PDE1A: variants seen among roughly 807,000 people sequenced by gnomAD.
PDE1A encodes phosphodiesterase 1A, also known as dual specificity calcium/calmodulin-dependent 3',5'-cyclic nucleotide phosphodiesterase 1A.
A neutral mutation model predicts 61.7 loss-of-function variants in PDE1A; 35 were observed. The ratio of observed to expected loss-of-function variants is 0.57; its 90% confidence interval spans 0.43 to 0.75. PDE1A has a LOEUF of 0.75. PDE1A is among the 30% of genes least tolerant of loss of function. PDE1A has a pLI of 0.00. For synonymous variants in PDE1A, 232 were observed against 213.2 expected (o/e 1.09, Z -0.77); for missense variants, 597 against 630.6 (o/e 0.95, Z 0.57).
intron 2 of PDE1A, among the ~76,000 whole-genome samples, chr2:182,493,342 T>A (rs1688511667): frequency 6.6e-6 from 1 of 151,908 alleles, no homozygotes; most frequent in South Asian, 2.1e-4. Context: ...TGCAGGCTTG[T>A]TACATATGTA....
At chr2:182,337,884 A>G (rs975925581) in intron 1 of PDE1A, among the ~76,000 whole-genome samples, 27 of 152,150 alleles carry the variant, frequency 1.8e-4, no homozygotes, top group Non-Finnish European at 3.1e-4. Flanking sequence ...AAAATATTAG[A>G]CACTAAACCA....
intron 2 of PDE1A, among the ~76,000 whole-genome samples, chr2:182,253,888 A>AG (rs1691584954): frequency 6.6e-6 from 1 of 152,234 alleles, no homozygotes; most frequent in African/African-American, 2.4e-5. Context: ...TATAGTAGAA[A>AG]GAATATAAGT....
the PDE1A span, among the ~76,000 whole-genome samples, chr2:182,608,562 C>T: frequency 1.3e-5 from 2 of 152,186 alleles, no homozygotes; most frequent in South Asian, 2.1e-4. Context: ...AGCCGCGCCG[C>T]ACCTGGCAGT....
exon 4 of PDE1A, chr2:182,234,460 T>G (rs755854827): frequency 3.1e-6 from 5 of 1,608,002 alleles, no homozygotes; most frequent in Non-Finnish European, 4.3e-6. Flanking sequence ...AGCTGCTGGA[T>G]ATGCCAAACC....
chr2:182,445,591 C>T (rs1460464240), intron 2 of PDE1A, among the ~76,000 whole-genome samples: 2 of 151,984 alleles, frequency 1.3e-5, no homozygotes, highest in Non-Finnish European at 2.9e-5. Flanking sequence ...GAAAGCTATA[C>T]AAAAGAGGAA....
At chr2:182,537,670 G>T in the PDE1A span, among the ~76,000 whole-genome samples, 1 of 151,768 alleles carries the variant, frequency 6.6e-6, no homozygotes, top group East Asian at 1.9e-4. Context: ...AAATGAACAA[G>T]AAAAATTAAG....
chr2:182,716,096 T>TGGAGCC, the PDE1A span: 88 of 152,584 alleles, frequency 5.8e-4, 2 homozygotes, highest in South Asian at 3.3e-3. Context: ...AGCTCCGGGT[T>TGGAGCC]GGAGCCGGAG....
At chr2:182,399,973 T>C (rs1388882919) in intron 1 of PDE1A, among the ~76,000 whole-genome samples, 3 of 152,168 alleles carry the variant, frequency 2.0e-5, no homozygotes, top group Non-Finnish European at 4.4e-5. Context: ...ATTTATAATT[T>C]TAATAAATAT....
intron 1 of PDE1A, among the ~76,000 whole-genome samples, chr2:182,355,178 T>C (rs1699106368): frequency 6.6e-6 from 1 of 152,008 alleles, no homozygotes; most frequent in South Asian, 2.1e-4. Context: ...AATGTATATA[T>C]GTAAATATTC....
At chr2:182,321,139 A>G (rs2124828092) in intron 1 of PDE1A, among the ~76,000 whole-genome samples, 1 of 152,334 alleles carries the variant, frequency 6.6e-6, no homozygotes, top group East Asian at 1.9e-4. Flanking sequence ...GATGTTTTGC[A>G]TGTTGCATGA....
chr2:182,543,125 C>A, the PDE1A span, among the ~76,000 whole-genome samples: 1 of 152,028 alleles, frequency 6.6e-6, no homozygotes, highest in Non-Finnish European at 1.5e-5. Flanking sequence ...TCAGAGGAGA[C>A]CACTCAAATC....
chr2:182,482,614 A>G (rs1052704647), intron 2 of PDE1A, among the ~76,000 whole-genome samples: 1 of 152,004 alleles, frequency 6.6e-6, no homozygotes, highest in Admixed American at 6.6e-5. Flanking sequence ...AGAAGCATGT[A>G]TTCACCAGAA....
At chr2:182,712,271 A>C in the PDE1A span, among the ~76,000 whole-genome samples, 4 of 152,246 alleles carry the variant, frequency 2.6e-5, no homozygotes, top group African/African-American at 4.8e-5. Flanking sequence ...AAATTGAAAC[A>C]AGTAGTTGCC....
At chr2:182,653,248 C>T in the PDE1A span, among the ~76,000 whole-genome samples, 2 of 152,110 alleles carry the variant, frequency 1.3e-5, no homozygotes, top group African/African-American at 4.8e-5. Flanking sequence ...CTGAGGTGGA[C>T]CTCAGGATGA....
chr2:182,612,851 T>C, the PDE1A span, among the ~76,000 whole-genome samples: 1 of 152,248 alleles, frequency 6.6e-6, no homozygotes, highest in Non-Finnish European at 1.5e-5. Flanking sequence ...AGATAAATCA[T>C]GGACCTCTAT....
chr2:182,452,111 T>C (rs1685566900), intron 2 of PDE1A, among the ~76,000 whole-genome samples: 1 of 152,112 alleles, frequency 6.6e-6, no homozygotes, highest in African/African-American at 2.4e-5. Context: ...GAATAAATTT[T>C]AAAAGTCCAG....
chr2:182,159,385 G>C (rs943860772), intron 13 of PDE1A, among the ~76,000 whole-genome samples: 3 of 152,118 alleles, frequency 2.0e-5, no homozygotes, highest in Non-Finnish European at 4.4e-5. Context: ...TCAGAAAACT[G>C]GATGGATTTG....
the PDE1A span, among the ~76,000 whole-genome samples, chr2:182,612,824 T>C: frequency 6.6e-6 from 1 of 152,226 alleles, no homozygotes; most frequent in Non-Finnish European, 1.5e-5. Flanking sequence ...GAGATTATTT[T>C]ATAAACTTTT....
chr2:182,608,688 G>T, the PDE1A span, among the ~76,000 whole-genome samples: 1 of 152,212 alleles, frequency 6.6e-6, no homozygotes, highest in Admixed American at 6.5e-5. Context: ...AGCTTCCGCC[G>T]TGGACTCCTG....
Sources: allele counts gnomAD v4.1 joint callset (sites outside exome capture counted in the v4.1 genomes callset), GRCh38; gene constraint gnomAD v4.1.1; transcripts MANE v1.5; gene names NCBI Gene and HGNC (gene_info 2026-07-23, HGNC 2026-07-21).